GRIN2B: variants seen among roughly 807,000 people sequenced by gnomAD.
GRIN2B encodes the protein glutamate ionotropic receptor NMDA type subunit 2B.
Under a neutral mutation model 114.5 loss-of-function variants are expected in GRIN2B, and 5 were observed. The observed-to-expected ratio is 0.04, with a 90% CI of 0.02 to 0.09. The LOEUF (loss-of-function observed/expected upper bound fraction) is 0.09, where lower values mean the gene tolerates loss of function less well. GRIN2B is among the 10% of genes least tolerant of loss of function. GRIN2B has a pLI of 1.00. For missense variants in GRIN2B, 1,108 were observed against 1,943.5 expected (o/e 0.57, Z 8.08); for synonymous variants, 787 against 745.1 (o/e 1.06, Z -0.92).
In GRIN2B at chr12:13,965,837, G is replaced by A. The variant is rs34087989; in HGVS notation, c.-19+14091C>T. ...TCGCTCCTAAAGTCTTAAATCTTTT[G>A]CATGATATGTCAATCTTTCTTCTCA... On this transcript the variant is annotated intron_variant, in intron 2 of 13. Transcript: ENST00000609686. Among the ~76,000 whole-genome samples the A allele has an allele frequency of 6.3e-3, 960 of 152,272 alleles. 5 individuals are homozygous for A. The highest frequency in any genetic ancestry group is 0.01 in the Non-Finnish European group (712 of 68,020).
chr12:13,876,774 CT>C (rs200599861), intron 2 of GRIN2B, among the ~76,000 whole-genome samples: 1 of 152,152 alleles, frequency 6.6e-6, no homozygotes, highest in African/African-American at 2.4e-5. Flanking sequence ...AGTAACAAGG[CT>C]TTTCTTGCAA....
chr12:13,703,374 A>C (rs1950329203), intron 4 of GRIN2B, among the ~76,000 whole-genome samples: 1 of 152,166 alleles, frequency 6.6e-6, no homozygotes, highest in African/African-American at 2.4e-5. Context: ...TTTATCACTC[A>C]CATGCTATAT....
chr12:13,610,436 G>GTA (rs936771051), intron 9 of GRIN2B, among the ~76,000 whole-genome samples: 1 of 152,158 alleles, frequency 6.6e-6, no homozygotes, highest in Non-Finnish European at 1.5e-5. Context: ...GCCAACCTAA[G>GTA]TATATACTCA....
Position 13,560,160 on chromosome 12 carries a change from G to A in GRIN2B, c.*2623C>T, listed in dbSNP as rs958867974. 1 of 152,030 alleles carries A rather than the reference G, an allele frequency of 6.6e-6. No homozygotes were observed. The highest frequency in any genetic ancestry group is 1.5e-5 in the Non-Finnish European group (1 of 67,992). The allele number at this position is 152,030 out of a possible 1,614,324, so 9.4% of individuals were successfully genotyped here. ...AAACCAGTAAGAAGACTGGTTTTCT[G>A]GGGGGGATGGACACAATTACTTTCC... is the stretch of plus-strand genomic sequence containing the variant. On this transcript the variant is annotated 3_prime_UTR_variant, in exon 14 of 14. Coordinates refer to ENST00000609686, the MANE Select transcript of GRIN2B (RefSeq NM_000834.5).
chr12:13,851,225 A>G (rs766250612), intron 3 of GRIN2B, among the ~76,000 whole-genome samples: 11 of 152,150 alleles, frequency 7.2e-5, no homozygotes, highest in Non-Finnish European at 1.6e-4. Flanking sequence ...TTGAACTGAC[A>G]TCTGATGGTG....
chr12:13,884,700 T>A (rs1336282739), intron 2 of GRIN2B, among the ~76,000 whole-genome samples: 1 of 152,166 alleles, frequency 6.6e-6, no homozygotes, highest in Non-Finnish European at 1.5e-5. Flanking sequence ...CATATTCAGT[T>A]TTTCAGCATT....
intron 3 of GRIN2B, among the ~76,000 whole-genome samples, chr12:13,778,572 G>C (rs1864047804): frequency 6.6e-6 from 1 of 152,142 alleles, no homozygotes; most frequent in South Asian, 2.1e-4. Context: ...AGGCCTCAGA[G>C]CAGCTGCCAT....
In GRIN2B at chr12:13,547,975, A is replaced by ATTTTTTTTTTTTTTTTT. The variant is rs1323847688; in HGVS notation, c.*14807_*14808insAAAAAAAAAAAAAAAAA. 1 of 49,856 alleles carries ATTTTTTTTTTTTTTTTT rather than the reference A, an allele frequency of 2.0e-5. No individual in the cohort carries two copies. The highest frequency in any genetic ancestry group is 4.4e-5 in the Non-Finnish European group (1 of 22,954). 3.1% of individuals were successfully genotyped at this position (49,856 alleles called of 1,614,324 possible). On this transcript the variant is annotated 3_prime_UTR_variant, in exon 14 of 14. Transcript: ENST00000609686. ...TATGTGTGTGTATATATATATATATATATATATTTTTTTTTTTTTTCTGAA... is the reference window on the plus strand; with the variant it reads ...TATGTGTGTGTATATATATATATATATTTTTTTTTTTTTTTTTTATATATTTTTTTTTTTTTTCTGAA...
intron 2 of GRIN2B, among the ~76,000 whole-genome samples, chr12:13,914,405 A>G (rs1434393995): frequency 1.3e-5 from 2 of 152,216 alleles, no homozygotes; most frequent in Admixed American, 6.5e-5. Flanking sequence ...GCTTTTATCA[A>G]AAAAGTAGGG....
intron 3 of GRIN2B, among the ~76,000 whole-genome samples, chr12:13,844,036 G>A (rs931055219): frequency 6.6e-6 from 1 of 152,184 alleles, no homozygotes; most frequent in Non-Finnish European, 1.5e-5. Flanking sequence ...ATCTGGCTAG[G>A]AGGCTTATAT....
chr12:13,631,150 G>A (rs746881432), intron 5 of GRIN2B, among the ~76,000 whole-genome samples: 3 of 152,118 alleles, frequency 2.0e-5, no homozygotes, highest in Admixed American at 1.3e-4. Context: ...GATTTGGTTG[G>A]CAACGCAGAG....
At chr12:13,883,020 G>T (rs1205543268) in intron 2 of GRIN2B, among the ~76,000 whole-genome samples, 1 of 152,094 alleles carries the variant, frequency 6.6e-6, no homozygotes, top group Non-Finnish European at 1.5e-5. Flanking sequence ...GCAGCCTTTT[G>T]TGTCTGACTT....
intron 3 of GRIN2B, among the ~76,000 whole-genome samples, chr12:13,847,676 A>G (rs768923545): frequency 6.6e-6 from 1 of 152,034 alleles, no homozygotes; most frequent in East Asian, 1.9e-4. Flanking sequence ...AATGATGGAG[A>G]GCAGGGAGCA....
chr12:13,607,340 TATAA>T (rs1949279694), intron 10 of GRIN2B, among the ~76,000 whole-genome samples: 1 of 55,440 alleles, frequency 1.8e-5, no homozygotes, highest in African/African-American at 7.4e-5. Context: ...ATATATTATA[TATAA>T]TATATAAAAT....
intron 5 of GRIN2B, among the ~76,000 whole-genome samples, chr12:13,667,195 C>T (rs191225500): frequency 5.9e-5 from 9 of 152,232 alleles, no homozygotes; most frequent in African/African-American, 9.6e-5. Flanking sequence ...AACACATGGA[C>T]AACCCCATTC....
intron 10 of GRIN2B, among the ~76,000 whole-genome samples, chr12:13,576,265 C>T (rs1004664327): frequency 6.6e-6 from 1 of 152,126 alleles, no homozygotes; most frequent in Admixed American, 6.5e-5. Context: ...TTCCAAATAT[C>T]CTGATGCTTC....
intron 2 of GRIN2B, among the ~76,000 whole-genome samples, chr12:13,963,419 G>C (rs1867732651): frequency 6.6e-6 from 1 of 152,126 alleles, no homozygotes; most frequent in African/African-American, 2.4e-5. Context: ...GCTGGGGTAG[G>C]CATTTATGTA....
In GRIN2B at chr12:13,820,583, T is replaced by C. The variant is rs368422907; in HGVS notation, c.411+45215A>G. On this transcript the variant is annotated intron_variant, in intron 3 of 13. Coordinates refer to ENST00000609686, the MANE Select transcript of GRIN2B (RefSeq NM_000834.5). ...TAAGTGTCAGCTTTCCTTACTACAG[T>C]TTGAGCTTGTTATGGGAAGCAACCA... 4.6e-5 allele frequency among the ~76,000 whole-genome samples: 7 copies of C among 152,284 alleles called. No individual in the cohort carries two copies. In the South Asian group the frequency reaches 1.0e-3, roughly 23 times the overall value.
At chr12:13,626,130 T>C (rs1949563689) in intron 5 of GRIN2B, among the ~76,000 whole-genome samples, 1 of 152,188 alleles carries the variant, frequency 6.6e-6, no homozygotes, top group Non-Finnish European at 1.5e-5. Context: ...CCTTCTCCTT[T>C]GATGTGCCTT....
Sources: allele counts gnomAD v4.1 joint callset (sites outside exome capture counted in the v4.1 genomes callset), GRCh38; gene constraint gnomAD v4.1.1; transcripts MANE v1.5; gene names NCBI Gene and HGNC (gene_info 2026-07-23, HGNC 2026-07-21).